The following MAPKAPK5 variants were observed in gnomAD, a reference collection of about 807,000 sequenced individuals.
The protein encoded by MAPKAPK5 is MAPK activated protein kinase 5.
Under a neutral mutation model 65.1 loss-of-function variants are expected in MAPKAPK5, and 30 were observed. That is an observed-to-expected ratio of 0.46 (90% CI 0.34 to 0.63). The LOEUF (loss-of-function observed/expected upper bound fraction) is 0.63. Among genes scored for constraint, MAPKAPK5 ranks in the 20% least tolerant of loss-of-function variants. MAPKAPK5 has a pLI of 0.01. For synonymous variants in MAPKAPK5, 179 were observed against 204.6 expected, an observed-to-expected ratio of 0.87 and a Z score of 1.07; for missense variants, 433 against 581.4, an observed-to-expected ratio of 0.74 and a Z score of 2.63.
rs539680123 is a variant in MAPKAPK5 at position 111,897,258 on chromosome 12, C to A, written c.*4197C>A. 2 of 152,228 alleles carry A rather than the reference C, an allele frequency of 1.3e-5. No homozygotes were observed. Among genetic ancestry groups the A allele is most frequent in the East Asian group, 3.9e-4 (2 of 5,184 alleles). The allele number at this position is 152,228 out of a possible 1,614,324, so 9.4% of individuals were successfully genotyped here. On this transcript the variant is annotated 3_prime_UTR_variant, in exon 14 of 14. Transcript: ENST00000550735. The stretch of plus-strand genomic sequence containing the variant: ...TACAGGAGCAAACCACTGTGCCTGG[C>A]AGGAATTACTCTTTAAAAAGAGTTT...
chr12:111,853,201 TAAAA>T (rs1262891582), intron 1 of MAPKAPK5, among the ~76,000 whole-genome samples: 1 of 143,134 alleles, frequency 7.0e-6, no homozygotes, highest in African/African-American at 2.6e-5. Context: ...CCCTCTCTAC[TAAAA>T]AAAAAAAATA....
At chr12:111,854,635 A>G (rs1481681736) in intron 1 of MAPKAPK5, among the ~76,000 whole-genome samples, 6 of 152,232 alleles carry the variant, frequency 3.9e-5, no homozygotes, top group African/African-American at 1.4e-4. Flanking sequence ...AAAGTTTGGA[A>G]TACATTATTT....
intron 1 of MAPKAPK5, among the ~76,000 whole-genome samples, chr12:111,845,701 C>A (rs1209288580): frequency 6.6e-6 from 1 of 152,238 alleles, no homozygotes; most frequent in Admixed American, 6.5e-5. Flanking sequence ...GCGGGCGGAT[C>A]ACCTGAGGTC....
chr12:111,842,705 C>G lies in MAPKAPK5; in HGVS notation c.-29C>G, dbSNP rs943236056. 4.4e-6 allele frequency: 6 copies of G among 1,370,172 alleles called. No individual in the cohort carries two copies. In the African/African-American group the frequency reaches 9.0e-5, roughly 21 times the overall value. The allele number at this position is 1,370,172 out of a possible 1,614,324, so 84.9% of individuals were successfully genotyped here. ...GACAGGGCTGCTGAGCAGCCTCCGC[C>G]TCTCCCGGCTGTGGGGGCCCCACTG... On this transcript the variant is annotated 5_prime_UTR_variant, in exon 1 of 14. Coordinates refer to ENST00000550735, the MANE Select transcript of MAPKAPK5 (RefSeq NM_003668.4).
intron 1 of MAPKAPK5, among the ~76,000 whole-genome samples, chr12:111,858,370 C>T (rs775668359): frequency 1.7e-4 from 26 of 152,072 alleles, no homozygotes; most frequent in Non-Finnish European, 3.5e-4. Context: ...CCCCCATCTT[C>T]ACCCCTCTTT....
chr12:111,885,268 C>T (rs141462534), intron 9 of MAPKAPK5, among the ~76,000 whole-genome samples: 3 of 152,180 alleles, frequency 2.0e-5, no homozygotes, highest in East Asian at 1.9e-4. Flanking sequence ...AAGGAGGGAA[C>T]GGGCTGAGAT....
chr12:111,863,597 T>G (rs1032777726), intron 1 of MAPKAPK5, among the ~76,000 whole-genome samples: 1 of 151,250 alleles, frequency 6.6e-6, no homozygotes, highest in Non-Finnish European at 1.5e-5. Flanking sequence ...GAAAGTCTTA[T>G]GGATTTTGAT....
rs1249062640 is a variant in MAPKAPK5 at position 111,895,780 on chromosome 12, C to T, written c.*2719C>T. 9 of 152,164 alleles carry T rather than the reference C, an allele frequency of 5.9e-5. No individual in the cohort carries two copies. The highest frequency in any genetic ancestry group is 1.9e-4 in the African/African-American group (8 of 41,414). 9.4% of individuals were successfully genotyped at this position (152,164 alleles called of 1,614,324 possible). Reference sequence around the variant, plus strand: ...TCCTGACCTCGTGATCCGCCCACCTCGGCCTCCCAAAGTGCTGGGATTACA... The same window carrying T: ...TCCTGACCTCGTGATCCGCCCACCTTGGCCTCCCAAAGTGCTGGGATTACA... On this transcript the variant is annotated 3_prime_UTR_variant, in exon 14 of 14. Coordinates refer to ENST00000550735, the MANE Select transcript of MAPKAPK5 (RefSeq NM_003668.4).
In MAPKAPK5 at chr12:111,867,576, G is replaced by A. The variant is rs770743097; in HGVS notation, c.191G>A (p.Arg64His). 17 of 1,612,842 alleles carry A rather than the reference G, an allele frequency of 1.1e-5. No homozygotes were observed. Among genetic ancestry groups the A allele is most frequent in the African/African-American group, 2.7e-5 (2 of 74,878 alleles). ...ATTTCCTCTGTTCTCTTTAAGGTAC[G>A]TCTGCACATGATGTGTGCCACACAC... ...LDRPKARNEVRLHMMCATHPN... is the reference protein window; with the variant it reads ...LDRPKARNEVHLHMMCATHPN... The change falls in exon 4 of 14, where the codon CGT (arginine) becomes CAT (histidine). Residue 64 changes from arginine to histidine, a missense_variant. Coordinates refer to ENST00000550735, the MANE Select transcript of MAPKAPK5 (RefSeq NM_003668.4).
At position 111,901,090 on chromosome 12, in the gene MAPKAPK5, T is replaced by C; in HGVS notation, c.*8029T>C. ...CCAAAAATCAATCTCCAACATACAA[T>C]GATTCAGGTCCCTCAGGGAGATGGC... On this transcript the variant is annotated 3_prime_UTR_variant, in exon 14 of 14. Transcript: ENST00000550735. 1 of 456,096 alleles carries C rather than the reference T, an allele frequency of 2.2e-6. No homozygotes were observed. The highest frequency in any genetic ancestry group is 1.5e-5 in the South Asian group (1 of 64,568). 28.3% of individuals were successfully genotyped at this position (456,096 alleles called of 1,614,324 possible).
intron 1 of MAPKAPK5, among the ~76,000 whole-genome samples, chr12:111,847,168 C>T (rs1247673229): frequency 6.6e-6 from 1 of 151,366 alleles, no homozygotes; most frequent in Admixed American, 6.6e-5. Context: ...ATTGTGAAAC[C>T]CCCATCTCTA....
At chr12:111,865,357 G>T (rs1292892153) in intron 2 of MAPKAPK5, 34 bp downstream of exon 2, 2 of 1,463,372 alleles carry the variant, frequency 1.4e-6, no homozygotes, top group Admixed American at 1.9e-5. Flanking sequence ...ATGGCAAATT[G>T]TTGGCATGTG....
At position 111,893,165 on chromosome 12, in the gene MAPKAPK5, A is replaced by G; in HGVS notation, c.*104A>G. ...AAATCATAATTTCATTTCCACATTG[A>G]TTAAAGCTGCTGTATAGATTTAGGG... On this transcript the variant is annotated 3_prime_UTR_variant, in exon 14 of 14. Coordinates refer to ENST00000550735, the MANE Select transcript of MAPKAPK5 (RefSeq NM_003668.4). 1 of 805,920 alleles carries G rather than the reference A, an allele frequency of 1.2e-6. No homozygotes were observed. Among genetic ancestry groups the G allele is most frequent in the Non-Finnish European group, 1.9e-6 (1 of 532,270 alleles). The allele number at this position is 805,920 out of a possible 1,614,324, so 49.9% of individuals were successfully genotyped here. A position where few individuals can be genotyped will look rare whatever the true frequency, so the allele number is the denominator to read the frequency against.
intron 4 of MAPKAPK5, 41 bp from the exon 5 acceptor site, chr12:111,868,712 T>C (rs1391459367): frequency 1.2e-5 from 17 of 1,430,368 alleles, no homozygotes; most frequent in Non-Finnish European, 1.6e-5. Flanking sequence ...CTTTTTCTTT[T>C]TTTTTTTTTT....
chr12:111,878,019 T>A (rs1294601639), intron 7 of MAPKAPK5, among the ~76,000 whole-genome samples: 4 of 145,170 alleles, frequency 2.8e-5, no homozygotes, highest in Non-Finnish European at 6.1e-5. Context: ...TTTTTTTTTT[T>A]AAACTCTCCC....
intron 1 of MAPKAPK5, among the ~76,000 whole-genome samples, chr12:111,853,438 A>C (rs6489817): frequency 0.2 from 29,716 of 152,030 alleles, 3,121 homozygotes; most frequent in Middle Eastern, 0.27. Context: ...AGTGTATGGA[A>C]ATACAGTTGA....
Position 111,842,447 on chromosome 12 carries a change from C to T in MAPKAPK5, c.-287C>T, listed in dbSNP as rs957038354. 1.4e-4 allele frequency: 40 copies of T among 277,618 alleles called. No individual in the cohort carries two copies. The highest frequency in any genetic ancestry group is 4.4e-5 in the African/African-American group (2 of 45,136). 17.2% of individuals were successfully genotyped at this position (277,618 alleles called of 1,614,324 possible). On this transcript the variant is annotated 5_prime_UTR_variant, in exon 1 of 14. Transcript: ENST00000550735. ...CGCCTCGCCCTACCCCAGGAGCCTG[C>T]CTCCCCAGCTGGGGATGAGGCTAGG... is the stretch of plus-strand genomic sequence containing the variant.
rs1442985886 is a variant in MAPKAPK5, at chr12:111,900,627, C to G, written c.*7566C>G. On this transcript the variant is annotated 3_prime_UTR_variant, in exon 14 of 14. Transcript: ENST00000550735. ...GCAGTGTGACTGTGGTTCTCTATGTCAGCATCATGCATGCTGTGATGAAAA... is the reference window on the plus strand; with the variant it reads ...GCAGTGTGACTGTGGTTCTCTATGTGAGCATCATGCATGCTGTGATGAAAA... The G allele has an allele frequency of 2.2e-6, 1 of 456,108 alleles. No individual in the cohort carries two copies. The highest frequency in any genetic ancestry group is 2.3e-5 in the Admixed American group (1 of 42,580). The allele number at this position is 456,108 out of a possible 1,614,324, so 28.3% of individuals were successfully genotyped here. A position where few individuals can be genotyped will look rare whatever the true frequency, so the allele number is the denominator to read the frequency against.
rs755705815 is a variant in MAPKAPK5 at position 111,901,038 on chromosome 12, CTT to C, written c.*7978_*7979del. On this transcript the variant is annotated 3_prime_UTR_variant, in exon 14 of 14. Coordinates refer to ENST00000550735, the MANE Select transcript of MAPKAPK5 (RefSeq NM_003668.4). ...AGATGGTAATATATTTTGTGGGAAA[CTT>C]ATATGTTCAGGTATTACAGGCTTAC... The C allele has an allele frequency of 2.2e-5, 10 of 455,932 alleles. No homozygotes were observed. In the East Asian group the frequency reaches 6.2e-4, roughly 28 times the overall value. The allele number at this position is 455,932 out of a possible 1,614,324, so 28.2% of individuals were successfully genotyped here.
Sources: gnomAD v4.1 joint callset for allele counts (sites outside exome capture counted in the v4.1 genomes callset) on GRCh38, gnomAD v4.1.1 for gene constraint, MANE v1.5 for transcripts, NCBI Gene and HGNC (gene_info 2026-07-23, HGNC 2026-07-21) for gene names.